The following SPMIP9 variants were observed in gnomAD, a reference collection of about 807,000 sequenced individuals.
The protein encoded by SPMIP9 is sperm microtubule inner protein 9.
the SPMIP9 span, among the ~76,000 whole-genome samples, chr2:88,527,294 G>C: frequency 2.6e-5 from 4 of 152,046 alleles, no homozygotes; most frequent in South Asian, 6.2e-4. Flanking sequence ...AGCAGTTCGA[G>C]ACCAGCCTGG....
the SPMIP9 span, among the ~76,000 whole-genome samples, chr2:88,527,399 C>T: frequency 6.6e-6 from 1 of 152,130 alleles, no homozygotes; most frequent in Non-Finnish European, 1.5e-5. Context: ...AAGGCTGAGA[C>T]ATGAGAATTG....
At chr2:88,529,077 G>C in the SPMIP9 span, 1 of 1,613,114 alleles carries the variant, frequency 6.2e-7, no homozygotes, top group African/African-American at 1.3e-5. Context: ...GCTCAACTCC[G>C]GGACAAAGAG....
the SPMIP9 span, chr2:88,526,459 T>C: frequency 7.4e-6 from 12 of 1,613,988 alleles, no homozygotes; most frequent in South Asian, 1.1e-5. Context: ...CTATCAGCCC[T>C]ACAGGAAGCA....
chr2:88,526,631 A>G, the SPMIP9 span: 1 of 720,148 alleles, frequency 1.4e-6, no homozygotes, highest in Non-Finnish European at 2.4e-6. Context: ...TATGACTTAG[A>G]GATCTTTTCT....
the SPMIP9 span, chr2:88,526,293 T>A: frequency 1.3e-6 from 1 of 791,842 alleles, no homozygotes; most frequent in Admixed American, 2.0e-5. Context: ...GGGCTCTGAA[T>A]GTCAGGCCCC....
the SPMIP9 span, chr2:88,529,199 C>T: frequency 8.7e-6 from 14 of 1,614,108 alleles, no homozygotes; most frequent in African/African-American, 1.9e-4. Context: ...CTTCCCATCA[C>T]AGGAACATGA....
At chr2:88,529,027 A>G in the SPMIP9 span, 3 of 1,597,166 alleles carry the variant, frequency 1.9e-6, no homozygotes, top group East Asian at 2.2e-5. Flanking sequence ...TCACCCCTCC[A>G]TTCATGTGTG....
At chr2:88,526,310 G>T in the SPMIP9 span, 1 of 954,218 alleles carries the variant, frequency 1.0e-6, no homozygotes, top group Admixed American at 1.8e-5. Context: ...CCCCAAAGTC[G>T]GCCTTTGTCC....
chr2:88,528,984 T>C, the SPMIP9 span: 2 of 1,500,332 alleles, frequency 1.3e-6, no homozygotes, highest in Non-Finnish European at 1.8e-6. Context: ...TCTTGGATGC[T>C]TCCAAGAAAA....
the SPMIP9 span, among the ~76,000 whole-genome samples, chr2:88,526,770 G>T: frequency 6.6e-6 from 1 of 152,002 alleles, no homozygotes; most frequent in African/African-American, 2.4e-5. Context: ...CTGGATTCAA[G>T]CGATTCTCCT....
At chr2:88,528,973 G>C in the SPMIP9 span, 14 of 1,435,054 alleles carry the variant, frequency 9.8e-6, no homozygotes, top group Non-Finnish European at 1.2e-5. Flanking sequence ...GGTGTGCTCT[G>C]TCTTGGATGC....
At chr2:88,529,573 T>A in the SPMIP9 span, 1 of 1,110,480 alleles carries the variant, frequency 9.0e-7, no homozygotes, top group Non-Finnish European at 1.3e-6. Context: ...ACTGGAAAGA[T>A]GTTCCAACTG....
At chr2:88,526,969 T>C in the SPMIP9 span, among the ~76,000 whole-genome samples, 1 of 152,198 alleles carries the variant, frequency 6.6e-6, no homozygotes, top group Non-Finnish European at 1.5e-5. Flanking sequence ...GCCGGCCATG[T>C]GTGTATGTTT....
At chr2:88,525,545 G>A in the SPMIP9 span, 1 of 1,409,670 alleles carries the variant, frequency 7.1e-7, no homozygotes, top group Non-Finnish European at 1.0e-6. Flanking sequence ...AGAAAGCTGG[G>A]GCAGCCATGC....
the SPMIP9 span, among the ~76,000 whole-genome samples, chr2:88,526,771 C>G: frequency 2.0e-5 from 3 of 151,940 alleles, no homozygotes; most frequent in African/African-American, 7.3e-5. Context: ...TGGATTCAAG[C>G]GATTCTCCTG....
chr2:88,526,422 C>G, the SPMIP9 span: 1 of 1,613,758 alleles, frequency 6.2e-7, no homozygotes, highest in Non-Finnish European at 8.5e-7. Flanking sequence ...TGGATTTAGA[C>G]ATATACCAAA....
chr2:88,528,398 A>C, the SPMIP9 span, among the ~76,000 whole-genome samples: 1 of 152,168 alleles, frequency 6.6e-6, no homozygotes, highest in South Asian at 2.1e-4. Context: ...TCAGCCTCCC[A>C]AAGTGCTGGG....
At chr2:88,525,507 C>T in the SPMIP9 span, 3 of 938,008 alleles carry the variant, frequency 3.2e-6, no homozygotes, top group Admixed American at 5.1e-5. Context: ...AGGGTAGGAG[C>T]CCAGGGAAGA....
At chr2:88,526,020 G>A in the SPMIP9 span, among the ~76,000 whole-genome samples, 1 of 152,092 alleles carries the variant, frequency 6.6e-6, no homozygotes, top group East Asian at 1.9e-4. Context: ...TGTTGTGGAG[G>A]GTTGTAAGGA....
Sources: allele counts gnomAD v4.1 joint callset (sites outside exome capture counted in the v4.1 genomes callset), GRCh38; gene constraint gnomAD v4.1.1; transcripts MANE v1.5; gene names NCBI Gene and HGNC (gene_info 2026-07-23, HGNC 2026-07-21).